Variants in INPP5A observed in about 807,000 individuals in gnomAD.
The protein encoded by INPP5A is 43 kDa inositol polyphosphate 5-phophatase.
Under a neutral mutation model 65.2 loss-of-function variants are expected in INPP5A, and 14 were observed. That is an observed-to-expected ratio of 0.21 (90% CI 0.14 to 0.34). The LOEUF is 0.34. INPP5A is among the 10% of genes least tolerant of loss of function. The probability of loss-of-function intolerance (pLI) is 1.00; values close to 1 mark genes in which losing one functional copy is unlikely to be tolerated. For synonymous variants in INPP5A, 207 were observed against 208.3 expected (o/e 0.99, Z 0.05); for missense variants, 431 against 545.6 (o/e 0.79, Z 2.09).
chr10:132,569,490 G>A (rs1051285896), intron 1 of INPP5A, among the ~76,000 whole-genome samples: 1 of 152,030 alleles, frequency 6.6e-6, no homozygotes, highest in African/African-American at 2.4e-5. Flanking sequence ...CTGAGTAGCT[G>A]GGTTTACAGG....
Position 132,659,461 on chromosome 10 carries a change from G to C in INPP5A, c.306+8956G>C, listed in dbSNP as rs1439616211. Reference sequence around the variant, plus strand: ...CCCTGTGGGGTGCATCCACGGACGCGGGTCTGGAGGCGCTGCTGTCTAAGC... The same window carrying C: ...CCCTGTGGGGTGCATCCACGGACGCCGGTCTGGAGGCGCTGCTGTCTAAGC... On this transcript the variant is annotated intron_variant, in intron 4 of 15. Coordinates refer to ENST00000368594, the MANE Select transcript of INPP5A (RefSeq NM_005539.5). The surrounding 1 kb of genome is among the most constrained non-coding windows in gnomAD (Gnocchi z 5.5). Among the ~76,000 whole-genome samples, 4 of 152,188 alleles carry C rather than the reference G, an allele frequency of 2.6e-5. No homozygotes were observed. Among genetic ancestry groups the C allele is most frequent in the Non-Finnish European group, 1.5e-5 (1 of 68,030 alleles).
Position 132,726,764 on chromosome 10 carries a change from G to C in INPP5A, c.648-57G>C, listed in dbSNP as rs972200337. 5 of 1,234,560 alleles carry C rather than the reference G, an allele frequency of 4.1e-6. No homozygotes were observed. In the Admixed American group the frequency reaches 9.2e-5, roughly 23 times the overall value. 76.5% of individuals were successfully genotyped at this position (1,234,560 alleles called of 1,614,324 possible). ...GAGCGTGGAGGAGCACCGGGGCCGG[G>C]CATGAGGGCTGGCCGGCTTCAGCGC... On this transcript the variant is annotated intron_variant, in intron 8 of 15. Coordinates refer to ENST00000368594, the MANE Select transcript of INPP5A (RefSeq NM_005539.5).
intron 1 of INPP5A, among the ~76,000 whole-genome samples, chr10:132,543,239 G>A (rs1218661838): frequency 1.3e-5 from 2 of 151,380 alleles, no homozygotes; most frequent in Non-Finnish European, 2.9e-5. Flanking sequence ...CAAGCCCCAC[G>A]TCCCCCAGCC....
Position 132,706,512 on chromosome 10 carries a change from G to A in INPP5A, c.475-1801G>A, listed in dbSNP as rs375415131. On this transcript the variant is annotated intron_variant, in intron 6 of 15. Coordinates refer to ENST00000368594, the MANE Select transcript of INPP5A (RefSeq NM_005539.5). This position sits in a 1 kb window ranked among gnomAD's most constrained non-coding sequence, Gnocchi z 4.7. ...CATACATTCAGAGGATTCACAGTTC[G>A]TGTGCCGGGGTGCTTCTTACAGCAG... 2.0e-5 allele frequency among the ~76,000 whole-genome samples: 3 copies of A among 152,256 alleles called. No individual in the cohort carries two copies. Among genetic ancestry groups the A allele is most frequent in the Non-Finnish European group, 4.4e-5 (3 of 68,044 alleles).
In INPP5A at chr10:132,705,103, G is replaced by A. The variant is rs577100421; in HGVS notation, c.475-3210G>A. ...GCATTGGGGGTGTCCCAGCTGCACC[G>A]TTGGTGGGAGCATGGAGCCCGCTGT... On this transcript the variant is annotated intron_variant, in intron 6 of 15. Transcript: ENST00000368594. The surrounding 1 kb of genome is among the most constrained non-coding windows in gnomAD (Gnocchi z 4.9). Among the ~76,000 whole-genome samples, 18 of 152,316 alleles carry A rather than the reference G, an allele frequency of 1.2e-4. No individual in the cohort carries two copies. The highest frequency in any genetic ancestry group is 1.0e-3 in the South Asian group (5 of 4,832).
intron 1 of INPP5A, among the ~76,000 whole-genome samples, chr10:132,592,775 C>T (rs536305125): frequency 2.0e-4 from 30 of 152,352 alleles, no homozygotes; most frequent in East Asian, 3.9e-4. Flanking sequence ...CTGAGGCACA[C>T]GCAGGACTTT....
chr10:132,672,992 C>T (rs193065736), intron 4 of INPP5A, among the ~76,000 whole-genome samples: 18 of 152,298 alleles, frequency 1.2e-4, no homozygotes, highest in African/African-American at 4.3e-4. Flanking sequence ...TTGTAGTTTC[C>T]CGTTGACCTT....
chr10:132,687,892 C>A (rs1845166138), intron 4 of INPP5A, among the ~76,000 whole-genome samples: 1 of 152,248 alleles, frequency 6.6e-6, no homozygotes, highest in African/African-American at 2.4e-5. Context: ...AGGACTCAGG[C>A]TTGCCAGCCG....
Position 132,781,841 on chromosome 10 carries a change from G to C in INPP5A, c.1159-20G>C. On this transcript the variant is annotated intron_variant, in intron 14 of 15. Transcript: ENST00000368594. ...GTCCCGCGTGCGCCGTGCTGACACC[G>C]TCCTCTCTTCCTGCTGCAGCCCGTG... 6.2e-7 allele frequency: 1 copy of C among 1,609,104 alleles called. No homozygotes were observed.
chr10:132,659,062 G>A lies in INPP5A; in HGVS notation c.306+8557G>A, dbSNP rs1289766411. Among the ~76,000 whole-genome samples, 1 of 151,862 alleles carries A rather than the reference G, an allele frequency of 6.6e-6. No homozygotes were observed. The highest frequency in any genetic ancestry group is 2.4e-5 in the African/African-American group (1 of 41,456). On this transcript the variant is annotated intron_variant, in intron 4 of 15. Coordinates refer to ENST00000368594, the MANE Select transcript of INPP5A (RefSeq NM_005539.5). The surrounding 1 kb of genome is among the most constrained non-coding windows in gnomAD (Gnocchi z 5.5). ...ACCAAGGCTACCGACCTGGGCCCTG[G>A]GGATGAGCAGCCCAGGAGGCGAAGA...
chr10:132,743,904 T>G (rs759936804), intron 9 of INPP5A, among the ~76,000 whole-genome samples: 11 of 152,214 alleles, frequency 7.2e-5, no homozygotes, highest in Non-Finnish European at 7.3e-5. Flanking sequence ...GTGCATTCAC[T>G]CTGGCGCAGA....
chr10:132,673,385 G>A (rs768416877), intron 4 of INPP5A, among the ~76,000 whole-genome samples: 19 of 152,160 alleles, frequency 1.2e-4, no homozygotes, highest in South Asian at 2.1e-4. Flanking sequence ...TCCCGGACCC[G>A]TGAATCCTGG....
chr10:132,777,274 G>A (rs1014296314), intron 12 of INPP5A, among the ~76,000 whole-genome samples: 13 of 152,218 alleles, frequency 8.5e-5, no homozygotes, highest in East Asian at 3.8e-4. Context: ...CAGGCGTTTC[G>A]AGCTGATCCG....
At chr10:132,687,435 G>T (rs1180982831) in intron 4 of INPP5A, among the ~76,000 whole-genome samples, 1 of 152,254 alleles carries the variant, frequency 6.6e-6, no homozygotes, top group East Asian at 1.9e-4. Flanking sequence ...TGGGGCCAGG[G>T]ACCACAGAGG....
At position 132,701,348 on chromosome 10, in the gene INPP5A, G is replaced by A. The variant is rs55719418; in HGVS notation, c.474+3429G>A. Reference sequence around the variant, plus strand: ...CAGGGGGCGGCCACCTCGGGAGAGCGGAGCCACGGCCGTCCCATCTGCAGG... The same window carrying A: ...CAGGGGGCGGCCACCTCGGGAGAGCAGAGCCACGGCCGTCCCATCTGCAGG... On this transcript the variant is annotated intron_variant, in intron 6 of 15. Coordinates refer to ENST00000368594, the MANE Select transcript of INPP5A (RefSeq NM_005539.5). Among the ~76,000 whole-genome samples, 739 of 152,314 alleles carry A rather than the reference G, an allele frequency of 4.9e-3. 4 individuals are homozygous for A. Among genetic ancestry groups the A allele is most frequent in the Non-Finnish European group, 7.2e-3 (491 of 68,020 alleles).
At position 132,605,632 on chromosome 10, in the gene INPP5A, G is replaced by A. The variant is rs191188190; in HGVS notation, c.76-2283G>A. Reference sequence around the variant, plus strand: ...AGGAGGCCCTGGGAGCTTCCAAGCTGGGGTCAGCCAGGCAGACGCAGCAGC... The same window carrying A: ...AGGAGGCCCTGGGAGCTTCCAAGCTAGGGTCAGCCAGGCAGACGCAGCAGC... On this transcript the variant is annotated intron_variant, in intron 1 of 15. Coordinates refer to ENST00000368594, the MANE Select transcript of INPP5A (RefSeq NM_005539.5). 1.1e-4 allele frequency among the ~76,000 whole-genome samples: 17 copies of A among 152,158 alleles called. No homozygotes were observed. In the East Asian group the frequency reaches 3.3e-3, roughly 30 times the overall value.
At position 132,678,272 on chromosome 10, in the gene INPP5A, C is replaced by T. The variant is rs1257279461; in HGVS notation, c.307-12120C>T. Among the ~76,000 whole-genome samples, 5 of 152,150 alleles carry T rather than the reference C, an allele frequency of 3.3e-5. No homozygotes were observed. Among genetic ancestry groups the T allele is most frequent in the Admixed American group, 3.3e-4 (5 of 15,276 alleles). On this transcript the variant is annotated intron_variant, in intron 4 of 15. Transcript: ENST00000368594. This position sits in a 1 kb window ranked among gnomAD's most constrained non-coding sequence, Gnocchi z 4.1. Reference sequence around the variant, plus strand: ...CCGCCTTGTCCAGTTGGGTCAGCCGCCCATGAGTTCATTATACAGGAAAAG... The same window carrying T: ...CCGCCTTGTCCAGTTGGGTCAGCCGTCCATGAGTTCATTATACAGGAAAAG...
Position 132,587,703 on chromosome 10 carries a change from G to A in INPP5A, c.76-20212G>A, listed in dbSNP as rs987730233. 6.6e-6 allele frequency among the ~76,000 whole-genome samples: 1 copy of A among 152,148 alleles called. No homozygotes were observed. Among genetic ancestry groups the A allele is most frequent in the Non-Finnish European group, 1.5e-5 (1 of 68,042 alleles). On this transcript the variant is annotated intron_variant, in intron 1 of 15. Coordinates refer to ENST00000368594, the MANE Select transcript of INPP5A (RefSeq NM_005539.5). This position sits in a 1 kb window ranked among gnomAD's most constrained non-coding sequence, Gnocchi z 4.3. The stretch of plus-strand genomic sequence containing the variant: ...ATGCCATGATTTCAAAGTTATACTT[G>A]TGTTGTTTCTTAGAATTTGGCCGGG...
At chr10:132,601,518 G>C (rs1447876538) in intron 1 of INPP5A, among the ~76,000 whole-genome samples, 1 of 152,172 alleles carries the variant, frequency 6.6e-6, no homozygotes, top group African/African-American at 2.4e-5. Context: ...CCGCTTGTCT[G>C]TTTTTCCTTT....
Sources: gnomAD v4.1 joint callset for allele counts (sites outside exome capture counted in the v4.1 genomes callset) on GRCh38, gnomAD v4.1.1 for gene constraint, Gnocchi (gnomAD v3.1) non-coding constraint, MANE v1.5 for transcripts, NCBI Gene and HGNC (gene_info 2026-07-23, HGNC 2026-07-21) for gene names.